The following FHIT variants were observed in gnomAD, a reference collection of about 807,000 sequenced individuals.
FHIT encodes bis(5'-adenosyl)-triphosphatase.
Under a neutral mutation model 17.9 loss-of-function variants are expected in FHIT, and 19 were observed. The observed-to-expected ratio is 1.06, with a 90% CI of 0.74 to 1.56. The LOEUF is 1.56. Ranked by LOEUF, FHIT falls within the 40% of genes most tolerant of loss-of-function variation. The probability of loss-of-function intolerance (pLI) is 0.00; values close to 1 mark genes in which losing one functional copy is unlikely to be tolerated. For missense variants in FHIT, 248 were observed against 189.2 expected (o/e 1.31, Z -1.82); for synonymous variants, 81 against 69.7 (o/e 1.16, Z -0.81).
At chr3:60,263,363 T>C (rs1706400220) in intron 5 of FHIT, among the ~76,000 whole-genome samples, 1 of 151,900 alleles carries the variant, frequency 6.6e-6, no homozygotes, top group Non-Finnish European at 1.5e-5. Context: ...CCAAGAAAAA[T>C]GCAAACATAT....
intron 3 of FHIT, among the ~76,000 whole-genome samples, chr3:60,958,695 T>C (rs1448759459): frequency 5.9e-5 from 9 of 152,152 alleles, no homozygotes; most frequent in Admixed American, 2.6e-4. Context: ...TGGCAGTAAG[T>C]ATAGCTGAGA....
chr3:59,946,632 T>C (rs76920650), intron 7 of FHIT, among the ~76,000 whole-genome samples: 14,078 of 152,244 alleles, frequency 0.092, 803 homozygotes, highest in African/African-American at 0.15. Flanking sequence ...TTTTGTTCAT[T>C]TGGTATGATG....
intron 5 of FHIT, among the ~76,000 whole-genome samples, chr3:60,369,111 C>G (rs1292050745): frequency 2.0e-5 from 3 of 149,950 alleles, no homozygotes; most frequent in Non-Finnish European, 4.5e-5. Flanking sequence ...TAGCTCAAAT[C>G]ACAGGTGTGC....
chr3:59,891,958 G>C (rs993542713), intron 8 of FHIT, among the ~76,000 whole-genome samples: 14 of 152,160 alleles, frequency 9.2e-5, no homozygotes, highest in African/African-American at 3.4e-4. Flanking sequence ...TGATGAAACT[G>C]CGTTGTCTCC....
At chr3:60,402,308 C>T (rs936709183) in intron 5 of FHIT, among the ~76,000 whole-genome samples, 28 of 152,144 alleles carry the variant, frequency 1.8e-4, no homozygotes, top group African/African-American at 5.1e-4. Flanking sequence ...CCAAAGAGCA[C>T]GTGGGTGGGA....
chr3:60,760,010 T>C (rs868975701), intron 4 of FHIT, among the ~76,000 whole-genome samples: 19 of 152,090 alleles, frequency 1.2e-4, no homozygotes, highest in African/African-American at 3.6e-4. Context: ...TCTTTCTTTC[T>C]TTTCTCCCTC....
At chr3:60,827,978 A>G (rs1702187682) in intron 3 of FHIT, among the ~76,000 whole-genome samples, 3 of 152,210 alleles carry the variant, frequency 2.0e-5, no homozygotes, top group African/African-American at 7.2e-5. Flanking sequence ...GCTTTAGTAA[A>G]ATAGCACAGG....
At chr3:61,218,972 T>C (rs1018000868) in intron 1 of FHIT, among the ~76,000 whole-genome samples, 2 of 152,208 alleles carry the variant, frequency 1.3e-5, no homozygotes, top group Non-Finnish European at 2.9e-5. Flanking sequence ...TAGGTGATTT[T>C]GTCATTGTGC....
intron 3 of FHIT, among the ~76,000 whole-genome samples, chr3:60,886,818 T>C (rs572815548): frequency 6.6e-6 from 1 of 152,288 alleles, no homozygotes; most frequent in East Asian, 1.9e-4. Context: ...ATTCTATCCC[T>C]ACACCAAATT....
intron 4 of FHIT, among the ~76,000 whole-genome samples, chr3:60,637,614 G>T (rs1396418623): frequency 6.6e-6 from 1 of 152,038 alleles, no homozygotes; most frequent in Non-Finnish European, 1.5e-5. Flanking sequence ...AAAGCCAATG[G>T]GACAAGCATT....
intron 5 of FHIT, among the ~76,000 whole-genome samples, chr3:60,300,664 A>C (rs543466522): frequency 6.6e-6 from 1 of 152,224 alleles, no homozygotes; most frequent in African/African-American, 2.4e-5. Context: ...CTCCGATGAT[A>C]AACTCCCTGC....
chr3:60,469,558 T>G (rs1423361240), intron 5 of FHIT, among the ~76,000 whole-genome samples: 1 of 152,174 alleles, frequency 6.6e-6, no homozygotes, highest in Non-Finnish European at 1.5e-5. Flanking sequence ...TCCTTCTCTG[T>G]GTTATCTTGG....
chr3:60,399,293 C>T (rs1249756876), intron 5 of FHIT, among the ~76,000 whole-genome samples: 1 of 152,124 alleles, frequency 6.6e-6, no homozygotes, highest in Non-Finnish European at 1.5e-5. Flanking sequence ...AGAAATATCC[C>T]ATTTTCTCCC....
intron 4 of FHIT, among the ~76,000 whole-genome samples, chr3:60,623,670 T>C (rs2039198372): frequency 6.6e-6 from 1 of 152,186 alleles, no homozygotes; most frequent in African/African-American, 2.4e-5. Context: ...GGAACAGCAC[T>C]AGCATGTCAT....
chr3:59,748,134 GTTTT>G lies in FHIT; in HGVS notation c.*1447_*1450del, dbSNP rs1400847287. Among the ~76,000 whole-genome samples the G allele has an allele frequency of 6.6e-6, 1 of 152,046 alleles. No homozygotes were observed. Among genetic ancestry groups the G allele is most frequent in the Non-Finnish European group, 1.5e-5 (1 of 67,976 alleles). On this transcript the variant is annotated 3_prime_UTR_variant, in exon 10 of 10. Coordinates refer to ENST00000492590, the MANE Select transcript of FHIT (RefSeq NM_002012.4). Reference sequence around the variant, plus strand: ...TGCAGAGCTGGAAATCATCAGCATTGTTTTTCTCTTATGTTTATTTTTATGCTTA... The same window carrying G: ...TGCAGAGCTGGAAATCATCAGCATTGTCTCTTATGTTTATTTTTATGCTTA...
chr3:59,763,521 A>C (rs1304085604), intron 8 of FHIT, among the ~76,000 whole-genome samples: 2 of 152,254 alleles, frequency 1.3e-5, no homozygotes, highest in East Asian at 3.9e-4. Context: ...AATTCATTCA[A>C]TTATTCAACA....
At chr3:61,169,214 T>C (rs2037926865) in intron 2 of FHIT, among the ~76,000 whole-genome samples, 1 of 152,308 alleles carries the variant, frequency 6.6e-6, no homozygotes. Flanking sequence ...AGATAACTGA[T>C]AGATATATAT....
chr3:61,046,716 T>C (rs1022999387), intron 2 of FHIT, among the ~76,000 whole-genome samples: 1 of 152,168 alleles, frequency 6.6e-6, no homozygotes, highest in Non-Finnish European at 1.5e-5. Flanking sequence ...CCAATACCCC[T>C]GATGAACTTC....
At chr3:60,595,609 A>T (rs1553666070) in intron 4 of FHIT, among the ~76,000 whole-genome samples, 7 of 129,100 alleles carry the variant, frequency 5.4e-5, no homozygotes, top group Non-Finnish European at 1.1e-4. Flanking sequence ...ACGTGTAGAT[A>T]TATGTGTGTA....
Sources: gnomAD v4.1 joint callset for allele counts (sites outside exome capture counted in the v4.1 genomes callset) on GRCh38, gnomAD v4.1.1 for gene constraint, MANE v1.5 for transcripts, NCBI Gene and HGNC (gene_info 2026-07-23, HGNC 2026-07-21) for gene names.